Variants in EXT1 observed in about 807,000 individuals in gnomAD.
The protein encoded by EXT1 is exostosin glycosyltransferase 1, also known as exostosin-1.
A neutral mutation model predicts 82.5 loss-of-function variants in EXT1; 20 were observed. That is an observed-to-expected ratio of 0.24 (90% confidence interval 0.17 to 0.35). EXT1 has a LOEUF of 0.35. Ranked by LOEUF, EXT1 falls within the 10% of genes least tolerant of loss-of-function variation. The probability of loss-of-function intolerance (pLI) is 1.00; values close to 1 mark genes in which losing one functional copy is unlikely to be tolerated. For missense variants in EXT1, 757 were observed against 936.5 expected, an observed-to-expected ratio of 0.81 and a Z score of 2.50; for synonymous variants, 348 against 350.8, an observed-to-expected ratio of 0.99 and a Z score of 0.09.
chr8:117,888,783 C>A (rs1204308712), intron 1 of EXT1, among the ~76,000 whole-genome samples: 1 of 151,934 alleles, frequency 6.6e-6, no homozygotes, highest in Non-Finnish European at 1.5e-5. Flanking sequence ...CCCCTGCTAT[C>A]ATCCTTTGTC....
At chr8:117,836,010 C>T (rs1427778546) in intron 2 of EXT1, among the ~76,000 whole-genome samples, 1 of 152,198 alleles carries the variant, frequency 6.6e-6, no homozygotes, top group African/African-American at 2.4e-5. Context: ...GCTCAGCATT[C>T]CTAGGCAGCA....
chr8:118,025,156 T>C (rs1226408689), intron 1 of EXT1, among the ~76,000 whole-genome samples: 1 of 152,126 alleles, frequency 6.6e-6, no homozygotes, highest in Non-Finnish European at 1.5e-5. Flanking sequence ...ACAGGAGTCA[T>C]TTGCTATAAG....
chr8:117,799,991 A>T, intron 10 of EXT1, 94 bp from the exon 11 acceptor site: 2 of 1,365,786 alleles, frequency 1.5e-6, no homozygotes, highest in Non-Finnish European at 2.0e-6. Context: ...ATGAGCAAGC[A>T]GCAAAGCTTG....
intron 1 of EXT1, among the ~76,000 whole-genome samples, chr8:117,950,460 G>A (rs1345408137): frequency 6.6e-6 from 1 of 152,144 alleles, no homozygotes; most frequent in Non-Finnish European, 1.5e-5. Context: ...AATGCCTGCT[G>A]TTCCCATTTT....
chr8:117,968,852 AG>A (rs1814882900), intron 1 of EXT1, among the ~76,000 whole-genome samples: 1 of 64,486 alleles, frequency 1.6e-5, no homozygotes, highest in Non-Finnish European at 2.5e-5. Context: ...TACAGGCGTG[AG>A]CCACTGTGCC....
chr8:117,898,476 A>G (rs767191844), intron 1 of EXT1, among the ~76,000 whole-genome samples: 20 of 152,232 alleles, frequency 1.3e-4, no homozygotes, highest in Admixed American at 2.6e-4. Flanking sequence ...CTACAAATGC[A>G]GTCTGTGTAA....
At chr8:117,979,217 G>T (rs1051192223) in intron 1 of EXT1, among the ~76,000 whole-genome samples, 2 of 151,802 alleles carry the variant, frequency 1.3e-5, no homozygotes, top group African/African-American at 2.4e-5. Context: ...GCCGGGCACT[G>T]GGGGGGTGCA....
In EXT1 at chr8:117,797,255, C is replaced by T. The variant is rs982093462; in HGVS notation, c.*2457G>A. On this transcript the variant is annotated 3_prime_UTR_variant, in exon 11 of 11. Coordinates refer to ENST00000378204, the MANE Select transcript of EXT1 (RefSeq NM_000127.3). ...TTATATTCCAAATGGGAGAAGAACA[C>T]GCTAGCTCACATCCCAAAGAGATTT... 1.1e-4 allele frequency: 17 copies of T among 152,222 alleles called. No homozygotes were observed. The highest frequency in any genetic ancestry group is 2.9e-4 in the African/African-American group (12 of 41,468). The allele number at this position is 152,222 out of a possible 1,614,324, so 9.4% of individuals were successfully genotyped here.
At chr8:118,009,538 A>G (rs1163730433) in intron 1 of EXT1, among the ~76,000 whole-genome samples, 1 of 152,224 alleles carries the variant, frequency 6.6e-6, no homozygotes, top group Admixed American at 6.5e-5. Context: ...CTGGGTCTGC[A>G]GCAGGGGGCC....
In EXT1 at chr8:117,837,319, G is replaced by T. The variant is rs1019615973; in HGVS notation, c.963-118C>A. On this transcript the variant is annotated intron_variant, in intron 1 of 10. Transcript: ENST00000378204. ...GCAAAGCAACTCGGGAAAGCCACCAGCAGGCAGCTCTCACTTTTCCATTTT... is the reference window on the plus strand; with the variant it reads ...GCAAAGCAACTCGGGAAAGCCACCATCAGGCAGCTCTCACTTTTCCATTTT... 2.0e-5 allele frequency: 16 copies of T among 789,496 alleles called. No homozygotes were observed. The Middle Eastern group carries it at 8.9e-4, about 44-fold the overall frequency. The allele number at this position is 789,496 out of a possible 1,614,324, so 48.9% of individuals were successfully genotyped here. A position where few individuals can be genotyped will look rare whatever the true frequency, so the allele number is the denominator to read the frequency against.
At chr8:117,825,021 C>A (rs995383602) in intron 4 of EXT1, among the ~76,000 whole-genome samples, 24 of 152,108 alleles carry the variant, frequency 1.6e-4, no homozygotes, top group Admixed American at 5.2e-4. Flanking sequence ...AGAGGGTCAC[C>A]ACACCCAGCT....
intron 7 of EXT1, among the ~76,000 whole-genome samples, chr8:117,815,467 CAGAAATG>C (rs1811794422): frequency 6.6e-6 from 1 of 152,160 alleles, no homozygotes; most frequent in African/African-American, 2.4e-5. Flanking sequence ...AATTCTCATG[CAGAAATG>C]AGAGGCTTTT....
chr8:117,796,556 G>GA lies in EXT1; in HGVS notation c.*3155dup, dbSNP rs139376714. 2.1e-4 allele frequency: 32 copies of GA among 152,198 alleles called. 1 individual carries two copies. In the East Asian group the frequency reaches 6.2e-3, roughly 29 times the overall value. 9.4% of individuals were successfully genotyped at this position (152,198 alleles called of 1,614,324 possible). On this transcript the variant is annotated 3_prime_UTR_variant, in exon 11 of 11. Coordinates refer to ENST00000378204, the MANE Select transcript of EXT1 (RefSeq NM_000127.3). ...GAAAACCAAAAGTCATTCTAAAAGGGAAATTGAAGGATGCAACCGGATTGA... is the reference window on the plus strand; with the variant it reads ...GAAAACCAAAAGTCATTCTAAAAGGGAAAATTGAAGGATGCAACCGGATTGA...
chr8:118,043,595 A>G lies in EXT1; in HGVS notation c.962+66490T>C, dbSNP rs79938084. On this transcript the variant is annotated intron_variant, in intron 1 of 10. Coordinates refer to ENST00000378204, the MANE Select transcript of EXT1 (RefSeq NM_000127.3). Reference sequence around the variant, plus strand: ...GTCCACTAAGGGTAACCTCATTAGAACAAAAGATAGTTGATCACCCAGGAA... The same window carrying G: ...GTCCACTAAGGGTAACCTCATTAGAGCAAAAGATAGTTGATCACCCAGGAA... 9.7e-3 allele frequency among the ~76,000 whole-genome samples: 1,476 copies of G among 152,340 alleles called. 12 individuals are homozygous for G. The highest frequency in any genetic ancestry group is 0.013 in the Non-Finnish European group (872 of 68,032).
chr8:117,815,980 A>G (rs1484852076), intron 7 of EXT1, among the ~76,000 whole-genome samples: 1 of 151,462 alleles, frequency 6.6e-6, no homozygotes, highest in African/African-American at 2.4e-5. Flanking sequence ...AATGACCAAG[A>G]CTCAAGAAGT....
intron 1 of EXT1, among the ~76,000 whole-genome samples, chr8:118,037,832 T>A (rs969628085): frequency 1.4e-5 from 2 of 147,776 alleles, no homozygotes; most frequent in South Asian, 4.2e-4. Context: ...CAAGAGTGTT[T>A]TTTGTTTTTT....
At chr8:117,809,549 A>C (rs916334293) in intron 8 of EXT1, among the ~76,000 whole-genome samples, 2 of 151,554 alleles carry the variant, frequency 1.3e-5, no homozygotes, top group Non-Finnish European at 2.9e-5. Flanking sequence ...AGGCACGAGA[A>C]TTGCTTGAAC....
chr8:118,061,872 T>C (rs1816886491), intron 1 of EXT1, among the ~76,000 whole-genome samples: 1 of 152,154 alleles, frequency 6.6e-6, no homozygotes, highest in African/African-American at 2.4e-5. Flanking sequence ...TTAAGAAAAA[T>C]TAATAGCAAA....
At chr8:117,873,392 G>A (rs992774696) in intron 1 of EXT1, among the ~76,000 whole-genome samples, 10 of 150,616 alleles carry the variant, frequency 6.6e-5, no homozygotes, top group Non-Finnish European at 1.5e-4. Context: ...GTTGAGAGGG[G>A]TTAAGAAAAT....
Sources: allele counts gnomAD v4.1 joint callset (sites outside exome capture counted in the v4.1 genomes callset), GRCh38; gene constraint gnomAD v4.1.1; transcripts MANE v1.5; gene names NCBI Gene and HGNC (gene_info 2026-07-23, HGNC 2026-07-21).